The following EFCAB8 variants were observed in gnomAD, a reference collection of about 807,000 sequenced individuals.
EFCAB8 encodes EF-hand calcium binding domain 8.
In EFCAB8, 100 loss-of-function variants were observed where a neutral mutation model predicts 116.3. That is an observed-to-expected ratio of 0.86 (90% CI 0.73 to 1.02). EFCAB8 has a LOEUF of 1.02. Among genes scored for constraint, EFCAB8 ranks in the 50% least tolerant of loss-of-function variants. EFCAB8 has a pLI of 0.00. For missense variants in EFCAB8, 1,320 were observed against 1,416.9 expected (o/e 0.93, Z 1.10); for synonymous variants, 558 against 567.9 (o/e 0.98, Z 0.25).
In EFCAB8 at chr20:32,956,886, A is replaced by G. The variant is rs556057375; in HGVS notation, c.2960-1535A>G. Among the ~76,000 whole-genome samples, 58 of 150,430 alleles carry G rather than the reference A, an allele frequency of 3.9e-4. 2 individuals are homozygous for G. The highest frequency in any genetic ancestry group is 7.4e-5 in the Non-Finnish European group (5 of 67,828). ...CTCTCTCTCCTCTCATTGTGGGGGT[A>G]CTAACTATATGTATACTAGACTATT... On this transcript the variant is annotated intron_variant, in intron 23 of 26. Coordinates refer to ENST00000400522, the MANE Select transcript of EFCAB8 (RefSeq NM_001143967.2).
chr20:32,951,884 A>C (rs1276987804), intron 23 of EFCAB8, among the ~76,000 whole-genome samples: 1 of 152,134 alleles, frequency 6.6e-6, no homozygotes, highest in Non-Finnish European at 1.5e-5. Flanking sequence ...TTCTGGATAC[A>C]AGTTCTTGAT....
At chr20:32,868,227 T>TA (rs952754028) in intron 3 of EFCAB8, among the ~76,000 whole-genome samples, 29 of 151,916 alleles carry the variant, frequency 1.9e-4, no homozygotes, top group African/African-American at 6.5e-4. Context: ...CCTGGCTAAT[T>TA]AAAAAAATAA....
At chr20:32,875,502 G>GTTTTTTTTT (rs57620114) in intron 3 of EFCAB8, among the ~76,000 whole-genome samples, 1,748 of 89,712 alleles carry the variant, frequency 0.019, 115 homozygotes, top group Non-Finnish European at 0.036. Context: ...AAACATGGTG[G>GTTTTTTTTT]TTTTTTTTTT....
chr20:32,918,245 G>C, intron 18 of EFCAB8, 117 bp from the exon 19 acceptor site: 1 of 1,043,540 alleles, frequency 9.6e-7, no homozygotes, highest in African/African-American at 1.6e-5. Context: ...CTAGGTTTCT[G>C]GGAAGCAAGC....
In EFCAB8 at chr20:32,890,706, C is replaced by A. The variant is rs905064040; in HGVS notation, c.673+1300C>A. Among the ~76,000 whole-genome samples, 4 of 152,210 alleles carry A rather than the reference C, an allele frequency of 2.6e-5. 1 individual carries two copies. The highest frequency in any genetic ancestry group is 5.9e-5 in the Non-Finnish European group (4 of 68,032). On this transcript the variant is annotated intron_variant, in intron 7 of 26. Transcript: ENST00000400522. ...GAGAGAGTGGCTGTTCTGGAACAAG[C>A]AGGGACTGGAATAAAAAGGACCTGG...
chr20:32,898,903 A>G (rs1986293399), intron 11 of EFCAB8, among the ~76,000 whole-genome samples: 1 of 152,212 alleles, frequency 6.6e-6, no homozygotes, highest in East Asian at 1.9e-4. Flanking sequence ...CTCCTCTGTG[A>G]CCCTCAGTTC....
chr20:32,921,431 G>T (rs6120040), intron 20 of EFCAB8, among the ~76,000 whole-genome samples: 96,563 of 150,746 alleles, frequency 0.64, 31,560 homozygotes, highest in Middle Eastern at 0.73. Flanking sequence ...GCCCATGCTG[G>T]TCTCGAACTC....
chr20:32,915,186 A>G (rs1203564340), intron 17 of EFCAB8, among the ~76,000 whole-genome samples: 1 of 152,206 alleles, frequency 6.6e-6, no homozygotes, highest in African/African-American at 2.4e-5. Flanking sequence ...ACAGGCATGT[A>G]CCACTGCTCC....
chr20:32,902,323 G>A (rs985104428), intron 11 of EFCAB8, among the ~76,000 whole-genome samples: 1 of 152,128 alleles, frequency 6.6e-6, no homozygotes, highest in Non-Finnish European at 1.5e-5. Context: ...CTGTGTTGTG[G>A]GATGGAGGGA....
At chr20:32,915,437 C>G (rs1266859202) in intron 17 of EFCAB8, among the ~76,000 whole-genome samples, 1 of 152,202 alleles carries the variant, frequency 6.6e-6, no homozygotes, top group Non-Finnish European at 1.5e-5. Context: ...CCTCTAGTTT[C>G]CGATAACATG....
intron 13 of EFCAB8, among the ~76,000 whole-genome samples, chr20:32,907,375 G>A (rs1029677102): frequency 2.0e-5 from 3 of 152,274 alleles, no homozygotes; most frequent in South Asian, 4.1e-4. Context: ...CCCTGCCCTC[G>A]ATCTGCACCT....
At chr20:32,948,120 C>T (rs1396186431) in intron 23 of EFCAB8, among the ~76,000 whole-genome samples, 5 of 151,984 alleles carry the variant, frequency 3.3e-5, no homozygotes, top group Non-Finnish European at 7.4e-5. Context: ...AGAGAATACA[C>T]CAATTACCAA....
intron 8 of EFCAB8, among the ~76,000 whole-genome samples, chr20:32,892,676 G>A (rs1985973992): frequency 6.6e-6 from 1 of 152,096 alleles, no homozygotes; most frequent in African/African-American, 2.4e-5. Flanking sequence ...TTGAATTCTG[G>A]TTCAGTGATG....
At chr20:32,921,501 C>A (rs1367058901) in intron 20 of EFCAB8, among the ~76,000 whole-genome samples, 1 of 151,810 alleles carries the variant, frequency 6.6e-6, no homozygotes. Flanking sequence ...CAGATGTGAA[C>A]CATTATACCC....
intron 4 of EFCAB8, 138 bp downstream of exon 4, chr20:32,876,182 G>A (rs548264558): frequency 4.1e-6 from 3 of 733,220 alleles, no homozygotes; most frequent in South Asian, 3.6e-5. Context: ...CCAGTCGGGG[G>A]ACTTGCCTGG....
chr20:32,940,349 C>T (rs1288981688), intron 22 of EFCAB8, among the ~76,000 whole-genome samples: 1 of 149,350 alleles, frequency 6.7e-6, no homozygotes, highest in East Asian at 1.9e-4. Context: ...TAAAACATGT[C>T]CTGCTGGGAC....
At chr20:32,894,449 TG>T (rs2146214976) in intron 9 of EFCAB8, among the ~76,000 whole-genome samples, 1 of 152,290 alleles carries the variant, frequency 6.6e-6, no homozygotes, top group African/African-American at 2.4e-5. Flanking sequence ...TGCGCCACCG[TG>T]GGAACTGGCA....
At chr20:32,897,281 C>T (rs565504836) in intron 10 of EFCAB8, among the ~76,000 whole-genome samples, 62 of 152,054 alleles carry the variant, frequency 4.1e-4, no homozygotes, top group Non-Finnish European at 7.2e-4. Flanking sequence ...TTCACGAGAT[C>T]GACAGCTCCT....
chr20:32,961,751 ACCTGTCT>A lies in EFCAB8; in HGVS notation c.*146_*152del. ...CCACTGGGCCTCTCTGGGGAAGTTC[ACCTGTCT>A]CCTAATCTTGTCTTCTCTCTGGCCC... On this transcript the variant is annotated 3_prime_UTR_variant, in exon 27 of 27. Transcript: ENST00000400522. The A allele has an allele frequency of 2.2e-6, 1 of 462,224 alleles. No individual in the cohort carries two copies. Among genetic ancestry groups the A allele is most frequent in the East Asian group, 3.5e-5 (1 of 28,922 alleles). The allele number at this position is 462,224 out of a possible 1,614,324, so 28.6% of individuals were successfully genotyped here.
Sources: allele counts gnomAD v4.1 joint callset (sites outside exome capture counted in the v4.1 genomes callset), GRCh38; gene constraint gnomAD v4.1.1; transcripts MANE v1.5; gene names NCBI Gene and HGNC (gene_info 2026-07-23, HGNC 2026-07-21).